The following COG5 variants were observed in gnomAD, a reference collection of about 807,000 sequenced individuals.
COG5 encodes conserved oligomeric Golgi complex subunit 5.
In COG5, 86 loss-of-function variants were observed where a neutral mutation model predicts 110.4. The ratio of observed to expected loss-of-function variants is 0.78; its 90% CI spans 0.65 to 0.93. The LOEUF is 0.93. Among genes scored for constraint, COG5 ranks in the 40% least tolerant of loss-of-function variants. COG5 has a pLI of 0.00. For missense variants in COG5, 1,077 were observed against 987.0 expected (o/e 1.09, Z -1.22); for synonymous variants, 360 against 334.6 (o/e 1.08, Z -0.83).
chr7:107,502,031 T>G (rs1026260055), intron 6 of COG5, among the ~76,000 whole-genome samples: 1 of 152,142 alleles, frequency 6.6e-6, no homozygotes, highest in East Asian at 1.9e-4. Context: ...GATTTTTATT[T>G]CAATAGCTTT....
chr7:107,356,889 T>C (rs992783837), intron 10 of COG5, among the ~76,000 whole-genome samples: 6 of 152,136 alleles, frequency 3.9e-5, no homozygotes, highest in Admixed American at 3.9e-4. Flanking sequence ...TTCTTAAATA[T>C]CTTAAAACTG....
At chr7:107,264,014 G>A (rs998517671) in intron 14 of COG5, among the ~76,000 whole-genome samples, 36 of 152,200 alleles carry the variant, frequency 2.4e-4, no homozygotes, top group African/African-American at 7.9e-4. Flanking sequence ...TAAAGTTGAT[G>A]GCTCCGAAAA....
chr7:107,268,248 G>A (rs890029785), intron 14 of COG5, among the ~76,000 whole-genome samples: 10 of 152,138 alleles, frequency 6.6e-5, no homozygotes, highest in Non-Finnish European at 1.2e-4. Context: ...GATTACAGGC[G>A]TGAGCCACTG....
chr7:107,296,666 T>G (rs1252146792), intron 12 of COG5, among the ~76,000 whole-genome samples: 2 of 150,842 alleles, frequency 1.3e-5, no homozygotes, highest in Non-Finnish European at 3.0e-5. Flanking sequence ...TCAAGAGACC[T>G]TCCCCAGTAG....
intron 19 of COG5, among the ~76,000 whole-genome samples, chr7:107,219,458 A>G (rs969917340): frequency 7.9e-5 from 12 of 152,240 alleles, no homozygotes; most frequent in Admixed American, 7.2e-4. Context: ...GGATGAGTAG[A>G]TAAAGAAAAT....
chr7:107,424,859 C>T (rs984144890), intron 6 of COG5, among the ~76,000 whole-genome samples: 2 of 152,040 alleles, frequency 1.3e-5, no homozygotes, highest in African/African-American at 4.8e-5. Context: ...ATTATGGATG[C>T]TAGAGGGTCT....
chr7:107,300,302 A>G (rs1004482858), intron 11 of COG5, among the ~76,000 whole-genome samples: 6 of 152,134 alleles, frequency 3.9e-5, no homozygotes, highest in African/African-American at 1.4e-4. Context: ...CCCACTTCTA[A>G]TATCCTAGAG....
chr7:107,207,129 A>C (rs2116146306), intron 21 of COG5, among the ~76,000 whole-genome samples: 1 of 152,348 alleles, frequency 6.6e-6, no homozygotes, highest in Admixed American at 6.5e-5. Flanking sequence ...TGTGATTAGT[A>C]AGTACTGAAA....
intron 10 of COG5, among the ~76,000 whole-genome samples, chr7:107,337,539 A>C (rs1019700666): frequency 3.9e-5 from 6 of 152,190 alleles, no homozygotes; most frequent in Admixed American, 2.6e-4. Context: ...AAGCACAGAA[A>C]GACAAAAGAT....
rs993177699 is a variant in COG5, at chr7:107,548,423, T to A, written c.293-91A>T. On this transcript the variant is annotated intron_variant, in intron 3 of 21. Transcript: ENST00000297135. ...AATTAAAAGAAAATACATGCATATATAATTTTAACTTTTTTTGTCACCATC... is the reference window on the plus strand; with the variant it reads ...AATTAAAAGAAAATACATGCATATAAAATTTTAACTTTTTTTGTCACCATC... 2.5e-6 allele frequency: 3 copies of A among 1,221,670 alleles called. No homozygotes were observed. In the South Asian group the frequency reaches 3.6e-5, roughly 15 times the overall value. 75.7% of individuals were successfully genotyped at this position (1,221,670 alleles called of 1,614,324 possible).
chr7:107,256,062 G>GTT (rs745841143), intron 16 of COG5, among the ~76,000 whole-genome samples: 4 of 152,084 alleles, frequency 2.6e-5, no homozygotes, highest in African/African-American at 7.2e-5. Flanking sequence ...TAATATGCTT[G>GTT]TTTTTAAAAG....
chr7:107,483,890 A>T (rs1563060412), intron 6 of COG5, among the ~76,000 whole-genome samples: 1 of 147,784 alleles, frequency 6.8e-6, no homozygotes, highest in African/African-American at 2.5e-5. Flanking sequence ...ATGGTTATAC[A>T]TTTTTTTTTT....
Position 107,247,256 on chromosome 7 carries a change from A to G in COG5, c.1853+1140T>C, listed in dbSNP as rs994680870. ...GGGAGGAGGGAGAGGAGCAGAAATG[A>G]TAACTACAGGGTACTGGGCCTAATA... is the stretch of plus-strand genomic sequence containing the variant. On this transcript the variant is annotated intron_variant, in intron 17 of 21. Coordinates refer to ENST00000297135, the MANE Select transcript of COG5 (RefSeq NM_006348.5). 4.6e-5 allele frequency among the ~76,000 whole-genome samples: 7 copies of G among 152,290 alleles called. No individual in the cohort carries two copies. In the East Asian group the frequency reaches 9.6e-4, roughly 21 times the overall value.
chr7:107,338,156 C>T (rs950695000), intron 10 of COG5, among the ~76,000 whole-genome samples: 1 of 151,936 alleles, frequency 6.6e-6, no homozygotes, highest in Non-Finnish European at 1.5e-5. Context: ...AAAAAAAATC[C>T]TAAAATTCAC....
chr7:107,249,122 A>G (rs1037045227), intron 16 of COG5, among the ~76,000 whole-genome samples: 1 of 152,154 alleles, frequency 6.6e-6, no homozygotes, highest in Non-Finnish European at 1.5e-5. Flanking sequence ...CTCCAGAACA[A>G]TGTTTCTAAT....
At chr7:107,264,881 A>G (rs1803674897) in intron 14 of COG5, among the ~76,000 whole-genome samples, 1 of 152,176 alleles carries the variant, frequency 6.6e-6, no homozygotes, top group Non-Finnish European at 1.5e-5. Context: ...AAGGAGCTAA[A>G]GTGACACTGT....
intron 19 of COG5, among the ~76,000 whole-genome samples, chr7:107,216,722 T>C (rs1799559779): frequency 1.3e-5 from 2 of 152,080 alleles, no homozygotes; most frequent in Non-Finnish European, 2.9e-5. Flanking sequence ...AAATGCAATA[T>C]ACCAAAACGT....
chr7:107,258,467 C>CACAA, intron 14 of COG5, 84 bp from the exon 15 acceptor site: 1 of 777,062 alleles, frequency 1.3e-6, no homozygotes, highest in South Asian at 1.4e-5. Context: ...CACACATACA[C>CACAA]ACACACACAC....
chr7:107,428,036 C>T (rs962595122), intron 6 of COG5, among the ~76,000 whole-genome samples: 1 of 151,810 alleles, frequency 6.6e-6, no homozygotes, highest in Non-Finnish European at 1.5e-5. Context: ...AACCAAGGCA[C>T]CACTCAAAGG....
Sources: allele counts gnomAD v4.1 joint callset (sites outside exome capture counted in the v4.1 genomes callset), GRCh38; gene constraint gnomAD v4.1.1; transcripts MANE v1.5; gene names NCBI Gene and HGNC (gene_info 2026-07-23, HGNC 2026-07-21).